The following ATF7IP2 variants were observed in gnomAD, a reference collection of about 807,000 sequenced individuals.
ATF7IP2 encodes activating transcription factor 7 interacting protein 2.
Under a neutral mutation model 64.2 loss-of-function variants are expected in ATF7IP2, and 42 were observed. The ratio of observed to expected loss-of-function variants is 0.65; its 90% CI spans 0.51 to 0.85. ATF7IP2 has a LOEUF of 0.85. Ranked by LOEUF, ATF7IP2 falls within the 40% of genes least tolerant of loss-of-function variation. The pLI is 0.00. For missense variants in ATF7IP2, 933 were observed against 784.2 expected, an observed-to-expected ratio of 1.19 and a Z score of -2.27; for synonymous variants, 308 against 272.8, an observed-to-expected ratio of 1.13 and a Z score of -1.27.
intron 1 of ATF7IP2, among the ~76,000 whole-genome samples, chr16:10,393,939 G>C (rs895984449): frequency 2.0e-5 from 3 of 152,174 alleles, no homozygotes; most frequent in African/African-American, 7.2e-5. Flanking sequence ...CTGCTTGGTA[G>C]GCTGATGTGG....
chr16:10,450,191 G>C (rs545641808), intron 8 of ATF7IP2, among the ~76,000 whole-genome samples: 1 of 151,018 alleles, frequency 6.6e-6, no homozygotes, highest in Non-Finnish European at 1.5e-5. Flanking sequence ...AGACTGTTAG[G>C]ATTCCCATTC....
At chr16:10,475,130 T>C (rs2049955376) in intron 12 of ATF7IP2, among the ~76,000 whole-genome samples, 2 of 122,796 alleles carry the variant, frequency 1.6e-5, no homozygotes, top group South Asian at 2.6e-4. Context: ...TAGTAAAAGA[T>C]ACCAGATGGA....
chr16:10,437,446 A>G (rs1264795029), intron 6 of ATF7IP2, among the ~76,000 whole-genome samples: 1 of 152,228 alleles, frequency 6.6e-6, no homozygotes, highest in Non-Finnish European at 1.5e-5. Context: ...ATTATCTTAC[A>G]TATTTACTTC....
intron 1 of ATF7IP2, among the ~76,000 whole-genome samples, chr16:10,398,900 G>A (rs1331802800): frequency 6.6e-6 from 1 of 152,136 alleles, no homozygotes; most frequent in Non-Finnish European, 1.5e-5. Context: ...GATCACCTGA[G>A]GTCAGGAGTT....
At chr16:10,409,646 C>T (rs945634492) in intron 1 of ATF7IP2, among the ~76,000 whole-genome samples, 18 of 152,280 alleles carry the variant, frequency 1.2e-4, no homozygotes, top group East Asian at 9.6e-4. Context: ...AGGACGATCT[C>T]GATCTCCTGA....
At chr16:10,443,093 C>T (rs936418767) in intron 8 of ATF7IP2, among the ~76,000 whole-genome samples, 17 of 152,182 alleles carry the variant, frequency 1.1e-4, no homozygotes, top group South Asian at 4.2e-4. Flanking sequence ...TGAATTAGAG[C>T]GCAAGTACTG....
intron 8 of ATF7IP2, among the ~76,000 whole-genome samples, chr16:10,450,166 G>A (rs2048938759): frequency 1.3e-5 from 2 of 152,138 alleles, no homozygotes; most frequent in South Asian, 4.1e-4. Flanking sequence ...TAATTTTATT[G>A]CACTGTGGTC....
At chr16:10,398,693 A>G (rs1170053665) in intron 1 of ATF7IP2, among the ~76,000 whole-genome samples, 17 of 152,192 alleles carry the variant, frequency 1.1e-4, no homozygotes, top group Admixed American at 1.1e-3. Context: ...CAAATACTAT[A>G]TGATGTCACT....
At chr16:10,413,366 C>T (rs2047809590) in intron 1 of ATF7IP2, among the ~76,000 whole-genome samples, 1 of 152,178 alleles carries the variant, frequency 6.6e-6, no homozygotes, top group Non-Finnish European at 1.5e-5. Context: ...GCTGCTTCCT[C>T]ATTTTTCTCT....
intron 1 of ATF7IP2, among the ~76,000 whole-genome samples, chr16:10,401,163 T>TTTTA (rs945373121): frequency 2.0e-5 from 3 of 152,120 alleles, no homozygotes; most frequent in South Asian, 4.1e-4. Context: ...TATGGTTTAT[T>TTTTA]TTTATTTATT....
At chr16:10,389,883 C>T (rs565924762) in intron 1 of ATF7IP2, among the ~76,000 whole-genome samples, 1 of 152,260 alleles carries the variant, frequency 6.6e-6, no homozygotes, top group African/African-American at 2.4e-5. Context: ...TGCCACCTGG[C>T]CTGAGTTTTG....
intron 9 of ATF7IP2, among the ~76,000 whole-genome samples, chr16:10,460,838 T>C (rs951474243): frequency 3.9e-5 from 6 of 152,158 alleles, no homozygotes; most frequent in South Asian, 2.1e-4. Context: ...AATTGATTAA[T>C]TTTACCACAT....
At chr16:10,406,422 C>T (rs1473718918) in intron 1 of ATF7IP2, among the ~76,000 whole-genome samples, 3 of 151,990 alleles carry the variant, frequency 2.0e-5, no homozygotes, top group African/African-American at 2.4e-5. Flanking sequence ...AAATAATTAA[C>T]CTAATGATGC....
chr16:10,432,084 G>A (rs953323916), intron 5 of ATF7IP2, among the ~76,000 whole-genome samples: 10 of 145,192 alleles, frequency 6.9e-5, no homozygotes, highest in Non-Finnish European at 1.0e-4. Flanking sequence ...TGATCCACCC[G>A]CCTTGGCCTC....
At chr16:10,471,555 A>G (rs73497900) in intron 9 of ATF7IP2, among the ~76,000 whole-genome samples, 177 of 152,270 alleles carry the variant, frequency 1.2e-3, no homozygotes, top group African/African-American at 3.9e-3. Context: ...GCTCATAAAA[A>G]AAAAGGGTCA....
chr16:10,410,037 G>C (rs1038996873), intron 1 of ATF7IP2, among the ~76,000 whole-genome samples: 4 of 152,150 alleles, frequency 2.6e-5, no homozygotes, highest in African/African-American at 9.7e-5. Flanking sequence ...TTTTTGCTTA[G>C]TCTTGCTTTG....
At chr16:10,464,335 C>T (rs1042987012) in intron 9 of ATF7IP2, among the ~76,000 whole-genome samples, 6 of 152,116 alleles carry the variant, frequency 3.9e-5, no homozygotes, top group Non-Finnish European at 1.5e-5. Flanking sequence ...TATCCTGGCT[C>T]TAGAGAAAAC....
At chr16:10,467,046 C>T (rs2049600848) in intron 9 of ATF7IP2, among the ~76,000 whole-genome samples, 1 of 151,946 alleles carries the variant, frequency 6.6e-6, no homozygotes, top group African/African-American at 2.4e-5. Context: ...GGCTAATCCT[C>T]TGCTTGCCAA....
chr16:10,407,917 C>CTT (rs35727703), intron 1 of ATF7IP2, among the ~76,000 whole-genome samples: 1 of 144,588 alleles, frequency 6.9e-6, no homozygotes, highest in Non-Finnish European at 1.5e-5. Context: ...TTCTTTCTTT[C>CTT]TTTTTTTTTT....
Sources: gnomAD v4.1 joint callset for allele counts (sites outside exome capture counted in the v4.1 genomes callset) on GRCh38, gnomAD v4.1.1 for gene constraint, MANE v1.5 for transcripts, NCBI Gene and HGNC (gene_info 2026-07-23, HGNC 2026-07-21) for gene names.